Variants in NFIB observed in about 807,000 individuals in gnomAD.
The protein encoded by NFIB is nuclear factor 1 B-type.
A neutral mutation model predicts 61.5 loss-of-function variants in NFIB; 11 were observed. That is an observed-to-expected ratio of 0.18 (90% CI 0.11 to 0.30). The LOEUF is 0.30. Among genes scored for constraint, NFIB ranks in the 10% least tolerant of loss-of-function variants. The pLI, the probability that NFIB is intolerant of heterozygous loss-of-function variation, is 1.00. For missense variants in NFIB, 471 were observed against 608.9 expected (o/e 0.77, Z 2.38); for synonymous variants, 260 against 216.5 (o/e 1.20, Z -1.76).
intron 2 of NFIB, among the ~76,000 whole-genome samples, chr9:14,259,086 C>G (rs779732921): frequency 1.3e-5 from 2 of 152,176 alleles, no homozygotes; most frequent in African/African-American, 4.8e-5. Flanking sequence ...GCACATAAGG[C>G]TCGTGAGAAT....
the NFIB span, among the ~76,000 whole-genome samples, chr9:14,531,362 C>G: frequency 6.6e-6 from 1 of 152,146 alleles, no homozygotes; most frequent in Admixed American, 6.5e-5. Context: ...TATGCATATC[C>G]TCATTAACTA....
chr9:14,148,974 A>G (rs1165220564), intron 5 of NFIB, among the ~76,000 whole-genome samples: 1 of 152,204 alleles, frequency 6.6e-6, no homozygotes, highest in African/African-American at 2.4e-5. Context: ...TACTAGAGAA[A>G]TGTTTTTTAA....
At chr9:14,173,234 T>G (rs866613337) in intron 3 of NFIB, among the ~76,000 whole-genome samples, 1 of 152,126 alleles carries the variant, frequency 6.6e-6, no homozygotes, top group African/African-American at 2.4e-5. Context: ...CACAAAGCGG[T>G]TGGCTGACTT....
chr9:14,395,341 G>C (rs1403407531), intron 1 of NFIB, among the ~76,000 whole-genome samples: 2 of 149,042 alleles, frequency 1.3e-5, no homozygotes, highest in African/African-American at 4.9e-5. Flanking sequence ...AAAAAATCAA[G>C]AGATGCAACA....
chr9:14,238,904 T>TC (rs1189244387), intron 2 of NFIB, among the ~76,000 whole-genome samples: 1 of 152,248 alleles, frequency 6.6e-6, no homozygotes, highest in African/African-American at 2.4e-5. Context: ...TGCTTTTTTT[T>TC]CTTCCCTTCT....
the NFIB span, among the ~76,000 whole-genome samples, chr9:14,452,461 G>A: frequency 0.01 from 422 of 40,770 alleles, 1 homozygote; most frequent in African/African-American, 0.023. Flanking sequence ...GGAAAGGAAA[G>A]GAAAGGAAAG....
intron 3 of NFIB, among the ~76,000 whole-genome samples, chr9:14,167,839 T>G (rs1252032021): frequency 6.6e-6 from 1 of 152,184 alleles, no homozygotes; most frequent in African/African-American, 2.4e-5. Flanking sequence ...AAGAACACTG[T>G]AGTATACTCC....
At chr9:14,211,093 C>A (rs925751673) in intron 2 of NFIB, among the ~76,000 whole-genome samples, 2 of 152,120 alleles carry the variant, frequency 1.3e-5, no homozygotes, top group African/African-American at 4.8e-5. Flanking sequence ...TGTATTTGTA[C>A]AATGTTAAGT....
chr9:14,351,492 G>A (rs1030753293), intron 1 of NFIB, among the ~76,000 whole-genome samples: 4 of 152,180 alleles, frequency 2.6e-5, no homozygotes, highest in African/African-American at 9.7e-5. Flanking sequence ...GGAAATGATC[G>A]TGGTGCCAAC....
At chr9:14,422,774 T>C in the NFIB span, among the ~76,000 whole-genome samples, 1 of 152,136 alleles carries the variant, frequency 6.6e-6, no homozygotes, top group Non-Finnish European at 1.5e-5. Flanking sequence ...CTGAGGAAGG[T>C]GCAGAGTGCT....
At chr9:14,221,020 A>G (rs2051601434) in intron 2 of NFIB, among the ~76,000 whole-genome samples, 1 of 152,084 alleles carries the variant, frequency 6.6e-6, no homozygotes, top group Admixed American at 6.6e-5. Context: ...GGCCTCCATC[A>G]GCAGCAAGAT....
the NFIB span, among the ~76,000 whole-genome samples, chr9:14,443,014 A>T: frequency 7.3e-5 from 11 of 150,774 alleles, no homozygotes; most frequent in East Asian, 2.0e-3. Context: ...CAGATCTTTA[A>T]ATCTAACCCA....
At chr9:14,480,434 T>C in the NFIB span, among the ~76,000 whole-genome samples, 1 of 152,132 alleles carries the variant, frequency 6.6e-6, no homozygotes, top group African/African-American at 2.4e-5. Context: ...ACTTGAGAGA[T>C]TTCCTTGATG....
chr9:14,322,839 C>A (rs1029994926), intron 1 of NFIB, among the ~76,000 whole-genome samples: 1 of 151,428 alleles, frequency 6.6e-6, no homozygotes, highest in Non-Finnish European at 1.5e-5. Context: ...CGCATGGGGC[C>A]GGAGAGCGGC....
chr9:14,198,781 C>T (rs1317117057), intron 2 of NFIB, among the ~76,000 whole-genome samples: 1 of 152,266 alleles, frequency 6.6e-6, no homozygotes, highest in Non-Finnish European at 1.5e-5. Context: ...CTCACAGACA[C>T]CAAACTGGAA....
chr9:14,391,379 A>T (rs1433591716), intron 1 of NFIB, among the ~76,000 whole-genome samples: 3 of 146,598 alleles, frequency 2.0e-5, no homozygotes, highest in Non-Finnish European at 4.5e-5. Flanking sequence ...GGTGACCATT[A>T]GGTGATGATC....
chr9:14,179,599 T>C (rs1587362823), intron 3 of NFIB, 128 bp downstream of exon 3: 1 of 908,848 alleles, frequency 1.1e-6, no homozygotes, highest in East Asian at 2.6e-5. Flanking sequence ...CAATCACATC[T>C]TGTCCCGATC....
chr9:14,194,953 TTCTC>T (rs144308047), intron 2 of NFIB, among the ~76,000 whole-genome samples: 18 of 150,418 alleles, frequency 1.2e-4, no homozygotes, highest in South Asian at 2.1e-4. Context: ...CCAGCACACA[TTCTC>T]TCTCTCTCTC....
chr9:14,197,876 C>G (rs930946670), intron 2 of NFIB, among the ~76,000 whole-genome samples: 8 of 152,112 alleles, frequency 5.3e-5, no homozygotes, highest in Admixed American at 5.2e-4. Flanking sequence ...CACGGCTAGA[C>G]CATTCTCACC....
Sources: gnomAD v4.1 joint callset for allele counts (sites outside exome capture counted in the v4.1 genomes callset) on GRCh38, gnomAD v4.1.1 for gene constraint, MANE v1.5 for transcripts, NCBI Gene and HGNC (gene_info 2026-07-23, HGNC 2026-07-21) for gene names.